DLGAP2: variants seen among roughly 807,000 people sequenced by gnomAD.
The protein encoded by DLGAP2 is disks large-associated protein 2.
A neutral mutation model predicts 100.3 loss-of-function variants in DLGAP2; 26 were observed. The observed-to-expected ratio is 0.26, with a 90% CI of 0.19 to 0.36. The LOEUF (loss-of-function observed/expected upper bound fraction) is 0.36. DLGAP2 is among the 10% of genes least tolerant of loss of function. DLGAP2 has a pLI of 1.00. For synonymous variants in DLGAP2, 886 were observed against 630.1 expected, an observed-to-expected ratio of 1.41 and a Z score of -6.08; for missense variants, 1,858 against 1,453.2, an observed-to-expected ratio of 1.28 and a Z score of -4.53.
chr8:1,108,171 G>A (rs1264173186), intron 2 of DLGAP2, among the ~76,000 whole-genome samples: 1 of 152,126 alleles, frequency 6.6e-6, no homozygotes, highest in African/African-American at 2.4e-5. Flanking sequence ...GGATAGGAAG[G>A]TTGATGGGAA....
At chr8:1,264,275 G>A (rs748574132) in intron 3 of DLGAP2, among the ~76,000 whole-genome samples, 1 of 152,148 alleles carries the variant, frequency 6.6e-6, no homozygotes, top group African/African-American at 2.4e-5. Flanking sequence ...CCAGAAAGGG[G>A]CCTGGGATGG....
chr8:1,227,653 A>G (rs1174509339), intron 2 of DLGAP2, among the ~76,000 whole-genome samples: 1 of 152,150 alleles, frequency 6.6e-6, no homozygotes, highest in Non-Finnish European at 1.5e-5. Flanking sequence ...CCGTTATGCT[A>G]AATGAAATAA....
Position 1,013,228 on chromosome 8 carries a change from G to A in DLGAP2, c.73+105262G>A, listed in dbSNP as rs77067514. The stretch of plus-strand genomic sequence containing the variant: ...TATAGACTTTCAGCATTTGAACTAC[G>A]TTATTGGTGTGAAAAGTTAAGCATT... On this transcript the variant is annotated intron_variant, in intron 2 of 14. Coordinates refer to ENST00000637795, the MANE Select transcript of DLGAP2 (RefSeq NM_001346810.2). Among the ~76,000 whole-genome samples, 1,012 of 152,212 alleles carry A rather than the reference G, an allele frequency of 6.6e-3. 17 individuals carry two copies. Among genetic ancestry groups the A allele is most frequent in the African/African-American group, 0.023 (964 of 41,534 alleles).
intron 3 of DLGAP2, among the ~76,000 whole-genome samples, chr8:1,489,747 G>A (rs569529975): frequency 1.3e-5 from 2 of 152,262 alleles, no homozygotes; most frequent in South Asian, 2.1e-4. Context: ...ATCACAAACC[G>A]CATCGAGTTT....
intron 1 of DLGAP2, among the ~76,000 whole-genome samples, chr8:811,713 CCAT>C (rs1361331803): frequency 6.6e-6 from 1 of 150,594 alleles, no homozygotes; most frequent in Non-Finnish European, 1.5e-5. Context: ...GATGAAGCTC[CCAT>C]CATCCTTGGA....
chr8:759,173 G>A (rs113019769), intron 1 of DLGAP2, among the ~76,000 whole-genome samples: 3,660 of 13,054 alleles, frequency 0.28, 27 homozygotes, highest in African/African-American at 0.34. Context: ...CAGCCTTCCC[G>A]TTATCAATAC....
chr8:1,237,547 A>T (rs1157103286), intron 2 of DLGAP2, among the ~76,000 whole-genome samples: 1 of 139,238 alleles, frequency 7.2e-6, no homozygotes, highest in South Asian at 2.4e-4. Flanking sequence ...TAGTTCTCTC[A>T]CATGGCGCCG....
chr8:1,208,488 A>G (rs923561818), intron 2 of DLGAP2, among the ~76,000 whole-genome samples: 3 of 152,200 alleles, frequency 2.0e-5, no homozygotes, highest in Non-Finnish European at 4.4e-5. Context: ...TAAGTTTATA[A>G]AAGTCATCTA....
At chr8:1,041,115 G>C (rs571121286) in intron 2 of DLGAP2, among the ~76,000 whole-genome samples, 1 of 152,246 alleles carries the variant, frequency 6.6e-6, no homozygotes, top group South Asian at 2.1e-4. Context: ...ATCTGTCCTC[G>C]GCAATGGATA....
intron 2 of DLGAP2, among the ~76,000 whole-genome samples, chr8:919,571 A>G (rs1185285393): frequency 1.3e-5 from 2 of 152,198 alleles, no homozygotes; most frequent in African/African-American, 2.4e-5. Flanking sequence ...AATAGAGTCC[A>G]CTGTTCACAC....
chr8:1,522,032 G>A (rs35235611), intron 4 of DLGAP2, among the ~76,000 whole-genome samples: 10 of 149,488 alleles, frequency 6.7e-5, no homozygotes, highest in East Asian at 5.9e-4. Flanking sequence ...GATTTGGGGC[G>A]TCTCTGGTTT....
intron 2 of DLGAP2, among the ~76,000 whole-genome samples, chr8:1,212,809 C>T (rs1182606783): frequency 2.5e-5 from 3 of 121,982 alleles, no homozygotes; most frequent in Non-Finnish European, 4.8e-5. Flanking sequence ...GATTAATGTT[C>T]TTAAATTCAT....
In DLGAP2 at chr8:1,667,742, G is replaced by A. The variant is rs544258007; in HGVS notation, c.1811-587G>A. Among the ~76,000 whole-genome samples, 6 of 152,258 alleles carry A rather than the reference G, an allele frequency of 3.9e-5. No individual in the cohort carries two copies. The South Asian group carries it at 6.2e-4, about 16-fold the overall frequency. ...TTGACCTATGCATAGTTTAGCATCCGGCGTGCTTCTGAACCTAGTGTGATA... is the reference window on the plus strand; with the variant it reads ...TTGACCTATGCATAGTTTAGCATCCAGCGTGCTTCTGAACCTAGTGTGATA... On this transcript the variant is annotated intron_variant, in intron 8 of 14. Coordinates refer to ENST00000637795, the MANE Select transcript of DLGAP2 (RefSeq NM_001346810.2).
At position 813,442 on chromosome 8, in the gene DLGAP2, CT is replaced by C. The variant is rs200301331; in HGVS notation, c.18+75622del. The stretch of plus-strand genomic sequence containing the variant: ...TAGATTCTATAATGTCATCTTGTTT[CT>C]TTTTATTAGAAAAAGATGCCTCATG... On this transcript the variant is annotated intron_variant, in intron 1 of 14. Transcript: ENST00000637795. Among the ~76,000 whole-genome samples, 742 of 152,198 alleles carry C rather than the reference CT, an allele frequency of 4.9e-3. 6 individuals carry two copies. The highest frequency in any genetic ancestry group is 0.017 in the African/African-American group (706 of 41,528).
At chr8:751,050 T>G (rs1820777559) in intron 1 of DLGAP2, among the ~76,000 whole-genome samples, 1 of 151,532 alleles carries the variant, frequency 6.6e-6, no homozygotes, top group African/African-American at 2.4e-5. Context: ...AAGGAGCATT[T>G]TCCTGGATCT....
At chr8:1,695,549 G>C (rs917131750) in intron 13 of DLGAP2, among the ~76,000 whole-genome samples, 4 of 145,400 alleles carry the variant, frequency 2.8e-5, no homozygotes, top group African/African-American at 5.4e-5. Context: ...CAGAAAGAGA[G>C]GGCACAGCCA....
intron 4 of DLGAP2, among the ~76,000 whole-genome samples, chr8:1,511,741 A>G (rs937549372): frequency 6.6e-6 from 1 of 152,068 alleles, no homozygotes; most frequent in Non-Finnish European, 1.5e-5. Context: ...CAATCAATAG[A>G]TGACCATCTT....
At position 1,465,875 on chromosome 8, in the gene DLGAP2, G is replaced by T. The variant is rs930447954; in HGVS notation, c.107-35491G>T. Among the ~76,000 whole-genome samples the T allele has an allele frequency of 1.3e-5, 2 of 152,218 alleles. 1 individual carries two copies. The highest frequency in any genetic ancestry group is 4.1e-4 in the South Asian group (2 of 4,834). On this transcript the variant is annotated intron_variant, in intron 3 of 14. Coordinates refer to ENST00000637795, the MANE Select transcript of DLGAP2 (RefSeq NM_001346810.2). ...GGTTTTGGGACTCACAATGAGAAAG[G>T]TGGGTCAGAGAATGTCTTTATGGCC...
At chr8:1,060,122 C>T (rs913088139) in intron 2 of DLGAP2, among the ~76,000 whole-genome samples, 1 of 152,170 alleles carries the variant, frequency 6.6e-6, no homozygotes, top group African/African-American at 2.4e-5. Flanking sequence ...ATGTGAACCA[C>T]GGAGTGGGTG....
Sources: gnomAD v4.1 joint callset for allele counts (sites outside exome capture counted in the v4.1 genomes callset) on GRCh38, gnomAD v4.1.1 for gene constraint, MANE v1.5 for transcripts, NCBI Gene and HGNC (gene_info 2026-07-23, HGNC 2026-07-21) for gene names.